Variants in TMEM117 observed in about 807,000 individuals in gnomAD.
The protein encoded by TMEM117 is transmembrane protein 117.
Under a neutral mutation model 52.4 loss-of-function variants are expected in TMEM117, and 27 were observed. The ratio of observed to expected loss-of-function variants is 0.51; its 90% confidence interval spans 0.38 to 0.71. The LOEUF (loss-of-function observed/expected upper bound fraction) is 0.71. Among genes scored for constraint, TMEM117 ranks in the 30% least tolerant of loss-of-function variants. The probability of loss-of-function intolerance (pLI) is 0.00; values close to 1 mark genes in which losing one functional copy is unlikely to be tolerated. For missense variants in TMEM117, 556 were observed against 630.5 expected (o/e 0.88, Z 1.26); for synonymous variants, 215 against 206.3 (o/e 1.04, Z -0.36).
At chr12:44,152,240 T>C (rs1275573043) in intron 4 of TMEM117, among the ~76,000 whole-genome samples, 1 of 109,690 alleles carries the variant, frequency 9.1e-6, no homozygotes, top group East Asian at 3.1e-4. Flanking sequence ...TAATTATATA[T>C]ATAATTATAA....
chr12:43,950,023 G>C (rs1342798259), intron 3 of TMEM117, among the ~76,000 whole-genome samples: 1 of 152,056 alleles, frequency 6.6e-6, no homozygotes, highest in Non-Finnish European at 1.5e-5. Context: ...GTTTCCTTTT[G>C]CCTCAACTTC....
chr12:43,872,134 T>G (rs1262429804), intron 2 of TMEM117, among the ~76,000 whole-genome samples: 4 of 152,228 alleles, frequency 2.6e-5, no homozygotes, highest in Non-Finnish European at 5.9e-5. Context: ...ATTCCTGGCT[T>G]CAAGTAATAT....
chr12:44,098,145 G>A (rs926588371), intron 3 of TMEM117, among the ~76,000 whole-genome samples: 1 of 152,056 alleles, frequency 6.6e-6, no homozygotes, highest in Non-Finnish European at 1.5e-5. Context: ...ATAGAAAAAG[G>A]TGAGTTGAAT....
At chr12:43,806,030 G>A in the TMEM117 span, 1 of 1,521,224 alleles carries the variant, frequency 6.6e-7, no homozygotes, top group Non-Finnish European at 8.8e-7. Context: ...CAGGGACCGG[G>A]CTGGAGGAGG....
chr12:44,120,674 T>C (rs73093487), intron 3 of TMEM117, among the ~76,000 whole-genome samples: 225 of 152,326 alleles, frequency 1.5e-3, no homozygotes, highest in Admixed American at 3.6e-3. Flanking sequence ...CTTTTTCTGT[T>C]GGCTGAGCAG....
chr12:44,154,897 A>G (rs1948806271), intron 4 of TMEM117, among the ~76,000 whole-genome samples: 2 of 151,974 alleles, frequency 1.3e-5, no homozygotes, highest in East Asian at 3.8e-4. Context: ...CTATCTTTCT[A>G]AAATTGGTGA....
intron 3 of TMEM117, among the ~76,000 whole-genome samples, chr12:44,141,998 C>T (rs374008608): frequency 1.3e-5 from 2 of 152,166 alleles, no homozygotes; most frequent in South Asian, 4.1e-4. Context: ...TTCACTAACA[C>T]TTATAAGAAG....
chr12:44,164,405 A>T (rs1948937298), intron 4 of TMEM117, among the ~76,000 whole-genome samples: 1 of 152,042 alleles, frequency 6.6e-6, no homozygotes, highest in African/African-American at 2.4e-5. Flanking sequence ...TATCATTCTT[A>T]TGCCTTTTCA....
intron 3 of TMEM117, among the ~76,000 whole-genome samples, chr12:43,948,108 T>G (rs1179578283): frequency 6.6e-6 from 1 of 152,066 alleles, no homozygotes; most frequent in Non-Finnish European, 1.5e-5. Flanking sequence ...CTTATGGCTT[T>G]AGACATCTCT....
At chr12:43,898,932 A>C (rs1178158215) in intron 2 of TMEM117, among the ~76,000 whole-genome samples, 1 of 152,202 alleles carries the variant, frequency 6.6e-6, no homozygotes, top group Admixed American at 6.5e-5. Flanking sequence ...TACTTCAGCC[A>C]AGAAAGACAG....
At chr12:43,966,052 T>G (rs1265347205) in intron 3 of TMEM117, among the ~76,000 whole-genome samples, 2 of 152,240 alleles carry the variant, frequency 1.3e-5, no homozygotes, top group Non-Finnish European at 2.9e-5. Context: ...GGCCTCTAGC[T>G]GCACCCATGT....
chr12:44,151,901 T>C (rs1948732095), intron 4 of TMEM117, among the ~76,000 whole-genome samples: 1 of 128,580 alleles, frequency 7.8e-6, no homozygotes, highest in South Asian at 2.6e-4. Flanking sequence ...TTTAATATCA[T>C]TTAATATATA....
At chr12:43,892,125 T>C (rs1325867982) in intron 2 of TMEM117, among the ~76,000 whole-genome samples, 4 of 152,124 alleles carry the variant, frequency 2.6e-5, no homozygotes, top group Non-Finnish European at 5.9e-5. Flanking sequence ...CCTCAGCATA[T>C]ATTAGGACTC....
At chr12:44,152,324 AATAT>A (rs1283174506) in intron 4 of TMEM117, among the ~76,000 whole-genome samples, 15 of 112,104 alleles carry the variant, frequency 1.3e-4, no homozygotes, top group African/African-American at 5.5e-4. Flanking sequence ...ATATCATATA[AATAT>A]ATATATTATA....
chr12:44,293,110 G>GAT (rs145187655), intron 5 of TMEM117, among the ~76,000 whole-genome samples: 3,093 of 150,802 alleles, frequency 0.021, 87 homozygotes, highest in African/African-American at 0.065. Flanking sequence ...TCTGGTACTG[G>GAT]ATATATATAT....
At chr12:44,097,219 G>A (rs1480939343) in intron 3 of TMEM117, among the ~76,000 whole-genome samples, 1 of 152,064 alleles carries the variant, frequency 6.6e-6, no homozygotes, top group African/African-American at 2.4e-5. Context: ...GAAACAACAG[G>A]TGCTGGAGAG....
chr12:44,227,799 G>A (rs1949882385), intron 5 of TMEM117, among the ~76,000 whole-genome samples: 1 of 152,126 alleles, frequency 6.6e-6, no homozygotes, highest in Admixed American at 6.6e-5. Flanking sequence ...TGGCACTGTA[G>A]TTGTTTATTT....
intron 5 of TMEM117, among the ~76,000 whole-genome samples, chr12:44,216,001 CTTTCTTTTTTTTTT>C (rs1949712068): frequency 8.1e-6 from 1 of 123,004 alleles, no homozygotes; most frequent in African/African-American, 3.9e-5. Context: ...TTCTTTCTTT[CTTTCTTTTTTTTTT>C]TTTTTTTTTT....
At chr12:44,029,202 T>C (rs1471068033) in intron 3 of TMEM117, among the ~76,000 whole-genome samples, 1 of 152,052 alleles carries the variant, frequency 6.6e-6, no homozygotes. Flanking sequence ...AGGGTTGGAG[T>C]TCCTTCTAAG....
Sources: allele counts gnomAD v4.1 joint callset (sites outside exome capture counted in the v4.1 genomes callset), GRCh38; gene constraint gnomAD v4.1.1; transcripts MANE v1.5; gene names NCBI Gene and HGNC (gene_info 2026-07-23, HGNC 2026-07-21).